TMEM62: variants seen among roughly 807,000 people sequenced by gnomAD.
TMEM62 encodes the protein transmembrane protein 62.
In TMEM62, 41 loss-of-function variants were observed where a neutral mutation model predicts 70.4. The ratio of observed to expected loss-of-function variants is 0.58; its 90% CI spans 0.45 to 0.76. TMEM62 has a LOEUF of 0.76. TMEM62 is among the 30% of genes least tolerant of loss of function. The probability of loss-of-function intolerance (pLI) is 0.00; values close to 1 mark genes in which losing one functional copy is unlikely to be tolerated. For synonymous variants in TMEM62, 268 were observed against 291.0 expected (o/e 0.92, Z 0.80); for missense variants, 688 against 788.5 (o/e 0.87, Z 1.53).
At chr15:43,137,914 C>T (rs1235823580) in intron 3 of TMEM62, among the ~76,000 whole-genome samples, 3 of 152,248 alleles carry the variant, frequency 2.0e-5, no homozygotes, top group African/African-American at 7.2e-5. Flanking sequence ...GAGTCATTCT[C>T]TGCCGGGCCT....
intron 7 of TMEM62, among the ~76,000 whole-genome samples, chr15:43,150,347 T>G (rs1047796531): frequency 6.6e-6 from 1 of 152,202 alleles, no homozygotes; most frequent in Non-Finnish European, 1.5e-5. Flanking sequence ...ACCAGCTTCT[T>G]TATTTCTTCT....
At chr15:43,168,966 C>G (rs1017923858) in intron 10 of TMEM62, 1 of 152,362 alleles carries the variant, frequency 6.6e-6, no homozygotes, top group African/African-American at 2.4e-5. Context: ...TGGCAGAATT[C>G]TGCCCTGTGT....
chr15:43,146,340 A>G, intron 4 of TMEM62, 153 bp from the exon 5 acceptor site: 1 of 661,350 alleles, frequency 1.5e-6, no homozygotes, highest in Non-Finnish European at 2.4e-6. Context: ...TTGAAATTTC[A>G]TCAGTTTATC....
At chr15:43,134,100 G>A in intron 1 of TMEM62, 118 bp downstream of exon 1, 1 of 1,432,900 alleles carries the variant, frequency 7.0e-7, no homozygotes, top group Non-Finnish European at 9.2e-7. Context: ...ATTGTAACTC[G>A]AGGCTCTGTC....
At chr15:43,159,463 T>C (rs1157650641) in intron 9 of TMEM62, among the ~76,000 whole-genome samples, 1 of 152,232 alleles carries the variant, frequency 6.6e-6, no homozygotes, top group Non-Finnish European at 1.5e-5. Context: ...TTTTGATATT[T>C]GGATCCAACA....
chr15:43,169,488 G>A (rs142245541), intron 10 of TMEM62, 105 bp from the exon 11 acceptor site: 2 of 919,256 alleles, frequency 2.2e-6, no homozygotes, highest in East Asian at 2.4e-5. Context: ...TTATATCACA[G>A]TATCACAGAT....
intron 10 of TMEM62, among the ~76,000 whole-genome samples, chr15:43,166,179 C>T (rs79137388): frequency 1.2e-4 from 18 of 152,386 alleles, no homozygotes; most frequent in South Asian, 4.1e-4. Context: ...TGCAGCCTTA[C>T]GTGGGCTTGG....
At chr15:43,159,386 C>A (rs1205535192) in intron 9 of TMEM62, among the ~76,000 whole-genome samples, 1 of 152,142 alleles carries the variant, frequency 6.6e-6, no homozygotes, top group African/African-American at 2.4e-5. Context: ...CCTCCCAATG[C>A]CCCCTTACTA....
chr15:43,184,630 T>C lies in TMEM62; in HGVS notation c.*44T>C, dbSNP rs2041726869. The C allele has an allele frequency of 6.4e-7, 1 of 1,568,088 alleles. No homozygotes were observed. The highest frequency in any genetic ancestry group is 2.2e-5 in the East Asian group (1 of 44,666). ...GGCAGCTGGGCAGAAGCCCAGCCTC[T>C]GTGTCTGTAGCCCAGGCCTCTACCC... On this transcript the variant is annotated 3_prime_UTR_variant, in exon 14 of 14. Transcript: ENST00000260403.
At chr15:43,164,842 T>C (rs1567218399) in intron 10 of TMEM62, among the ~76,000 whole-genome samples, 1 of 152,224 alleles carries the variant, frequency 6.6e-6, no homozygotes, top group South Asian at 2.1e-4. Context: ...CTGAACATAA[T>C]ATTCTAAGAT....
At chr15:43,143,958 A>G (rs7169041) in intron 4 of TMEM62, among the ~76,000 whole-genome samples, 2,646 of 152,318 alleles carry the variant, frequency 0.017, 70 homozygotes, top group African/African-American at 0.061. Flanking sequence ...TTTTGCCTTC[A>G]AGGAACTGAT....
Position 43,154,659 on chromosome 15 carries a change from G to A in TMEM62, c.1023-13G>A. On this transcript the variant is annotated splice_polypyrimidine_tract_variant and intron_variant, in intron 8 of 13. Coordinates refer to ENST00000260403, the MANE Select transcript of TMEM62 (RefSeq NM_024956.4). Reference sequence around the variant, plus strand: ...ACCTCAAACCATGTGTTTTATATATGCTCTCATTTTAGAGTCTTGGCCTTT... The same window carrying A: ...ACCTCAAACCATGTGTTTTATATATACTCTCATTTTAGAGTCTTGGCCTTT... The A allele has an allele frequency of 6.3e-7, 1 of 1,592,910 alleles. No individual in the cohort carries two copies. The highest frequency in any genetic ancestry group is 1.7e-4 in the Middle Eastern group (1 of 5,924).
intron 11 of TMEM62, among the ~76,000 whole-genome samples, chr15:43,177,611 A>T (rs2040887628): frequency 6.6e-6 from 1 of 152,150 alleles, no homozygotes; most frequent in African/African-American, 2.4e-5. Context: ...CAAATGTCCA[A>T]CAACGATAGA....
chr15:43,171,414 T>G (rs2040177694), intron 11 of TMEM62, among the ~76,000 whole-genome samples: 1 of 151,802 alleles, frequency 6.6e-6, no homozygotes, highest in African/African-American at 2.4e-5. Flanking sequence ...CCATCCTTCA[T>G]AAACCTTCCA....
chr15:43,163,738 T>C (rs2039037091), intron 10 of TMEM62, among the ~76,000 whole-genome samples: 1 of 151,520 alleles, frequency 6.6e-6, no homozygotes. Flanking sequence ...GCCAAGATCA[T>C]GCCACTGCAC....
Position 43,133,711 on chromosome 15 carries a change from T to A in TMEM62, c.-92T>A, listed in dbSNP as rs924628917. 3.3e-6 allele frequency: 3 copies of A among 902,232 alleles called. No individual in the cohort carries two copies. In the African/African-American group the frequency reaches 5.2e-5, roughly 16 times the overall value. The allele number at this position is 902,232 out of a possible 1,614,324, so 55.9% of individuals were successfully genotyped here. On this transcript the variant is annotated 5_prime_UTR_variant, in exon 1 of 14. Coordinates refer to ENST00000260403, the MANE Select transcript of TMEM62 (RefSeq NM_024956.4). The stretch of plus-strand genomic sequence containing the variant: ...GCATCCAGCTCTGGCCCTGCGACAA[T>A]AGAGTCCGGAAGTGCAGGCAAAGCG...
intron 11 of TMEM62, among the ~76,000 whole-genome samples, chr15:43,174,907 A>G (rs187723816): frequency 6.6e-6 from 1 of 152,354 alleles, no homozygotes; most frequent in Non-Finnish European, 1.5e-5. Flanking sequence ...GATGATTCCA[A>G]TGTGCAGTCA....
chr15:43,170,406 A>C (rs949631215), intron 11 of TMEM62, among the ~76,000 whole-genome samples: 1 of 152,192 alleles, frequency 6.6e-6, no homozygotes, highest in African/African-American at 2.4e-5. Context: ...AGGCATGCCA[A>C]AGATGTCAAA....
chr15:43,146,460 T>C (rs747318218), intron 4 of TMEM62, 33 bp from the exon 5 acceptor site: 39 of 1,566,778 alleles, frequency 2.5e-5, no homozygotes, highest in African/African-American at 8.2e-5. Flanking sequence ...GTCTTTTTAT[T>C]ACACTAACAC....
Sources: gnomAD v4.1 joint callset for allele counts (sites outside exome capture counted in the v4.1 genomes callset) on GRCh38, gnomAD v4.1.1 for gene constraint, MANE v1.5 for transcripts, NCBI Gene and HGNC (gene_info 2026-07-23, HGNC 2026-07-21) for gene names.